Variants in PLPPR1 observed in about 807,000 individuals in gnomAD.
PLPPR1 encodes the protein phospholipid phosphatase-related protein type 1.
PLPPR1 carries 10 observed loss-of-function variants against 33.1 expected under a neutral mutation model. That is an observed-to-expected ratio of 0.30 (90% CI 0.19 to 0.51). PLPPR1 has a LOEUF of 0.51. Among genes scored for constraint, PLPPR1 ranks in the 20% least tolerant of loss-of-function variants. The pLI is 0.97. For synonymous variants in PLPPR1, 151 were observed against 151.0 expected (o/e 1.00, Z 0.00); for missense variants, 304 against 408.1 (o/e 0.74, Z 2.20).
intron 7 of PLPPR1, among the ~76,000 whole-genome samples, chr9:101,320,628 C>T (rs972702615): frequency 6.6e-6 from 1 of 152,166 alleles, no homozygotes; most frequent in Non-Finnish European, 1.5e-5. Flanking sequence ...GCTATCCATA[C>T]CAGTCGTGAA....
rs565203551 is a variant in PLPPR1 at position 101,166,331 on chromosome 9, A to G, written c.-45-19119A>G. Among the ~76,000 whole-genome samples, 27 of 152,308 alleles carry G rather than the reference A, an allele frequency of 1.8e-4. No homozygotes were observed. The South Asian group carries it at 4.8e-3, about 27-fold the overall frequency. On this transcript the variant is annotated intron_variant, in intron 1 of 7. Transcript: ENST00000374874. ...TTCCTGGCCCCCTAGCCTATGTTAAATACCGCATTATAGGCTCTGGGGAGA... is the reference window on the plus strand; with the variant it reads ...TTCCTGGCCCCCTAGCCTATGTTAAGTACCGCATTATAGGCTCTGGGGAGA...
At chr9:101,255,362 G>A (rs1827781312) in intron 2 of PLPPR1, among the ~76,000 whole-genome samples, 1 of 152,108 alleles carries the variant, frequency 6.6e-6, no homozygotes, top group Non-Finnish European at 1.5e-5. Flanking sequence ...GACACTATTG[G>A]ATTGTTCCCT....
rs548901986 is a variant in PLPPR1 at position 101,175,661 on chromosome 9, A to G, written c.-45-9789A>G. Among the ~76,000 whole-genome samples, 5 of 152,318 alleles carry G rather than the reference A, an allele frequency of 3.3e-5. No individual in the cohort carries two copies. In the East Asian group the frequency reaches 9.7e-4, roughly 29 times the overall value. ...AGCTTATTGCTTCTAGTCATGCCTA[A>G]TGGGATACCTGGCATAATTTAAGAA... On this transcript the variant is annotated intron_variant, in intron 1 of 7. Transcript: ENST00000374874.
Position 101,155,409 on chromosome 9 carries a change from T to C in PLPPR1, c.-45-30041T>C, listed in dbSNP as rs556509598. On this transcript the variant is annotated intron_variant, in intron 1 of 7. Coordinates refer to ENST00000374874, the MANE Select transcript of PLPPR1 (RefSeq NM_207299.2). ...AGAGCCTTCTTGCTGTGTCATCGCA[T>C]GAGGAAGGGCAAGCAAGCATATATA... is the stretch of plus-strand genomic sequence containing the variant. Among the ~76,000 whole-genome samples the C allele has an allele frequency of 3.3e-5, 5 of 152,262 alleles. No homozygotes were observed. The East Asian group carries it at 9.7e-4, about 29-fold the overall frequency.
At chr9:101,076,887 T>C (rs1221835289) in intron 1 of PLPPR1, among the ~76,000 whole-genome samples, 2 of 152,232 alleles carry the variant, frequency 1.3e-5, no homozygotes, top group African/African-American at 2.4e-5. Flanking sequence ...CTTCTTCCAC[T>C]ACTCACATTT....
intron 1 of PLPPR1, among the ~76,000 whole-genome samples, chr9:101,055,392 T>C (rs904023141): frequency 1.3e-5 from 2 of 152,192 alleles, no homozygotes; most frequent in African/African-American, 4.8e-5. Context: ...GAGCTTACCT[T>C]TAAGTCTCCA....
intron 1 of PLPPR1, among the ~76,000 whole-genome samples, chr9:101,083,484 C>T (rs575618141): frequency 4.6e-5 from 7 of 151,786 alleles, no homozygotes; most frequent in Non-Finnish European, 1.0e-4. Flanking sequence ...AAATCAAATG[C>T]ATTTCATAAA....
intron 2 of PLPPR1, among the ~76,000 whole-genome samples, chr9:101,202,271 A>G (rs1043810468): frequency 6.6e-6 from 1 of 152,222 alleles, no homozygotes; most frequent in Non-Finnish European, 1.5e-5. Context: ...GTCATGCTAT[A>G]GAGAATTTCA....
chr9:101,235,204 TA>T (rs2118829873), intron 2 of PLPPR1, among the ~76,000 whole-genome samples: 1 of 151,994 alleles, frequency 6.6e-6, no homozygotes, highest in African/African-American at 2.4e-5. Context: ...TTGCATATTT[TA>T]CTTTTTCCCC....
rs554226715 is a variant in PLPPR1 at position 101,029,785 on chromosome 9, G to C, written c.-46+683G>C. Among the ~76,000 whole-genome samples the C allele has an allele frequency of 1.3e-3, 205 of 152,258 alleles. 1 individual carries two copies. The highest frequency in any genetic ancestry group is 0.013 in the Admixed American group (203 of 15,306). On this transcript the variant is annotated intron_variant, in intron 1 of 7. Coordinates refer to ENST00000374874, the MANE Select transcript of PLPPR1 (RefSeq NM_207299.2). The stretch of plus-strand genomic sequence containing the variant: ...ATAATCACCTCCTAGAACGGAGGAC[G>C]CTAGGATCTCTCCTCCTCAGGGAAG...
chr9:101,129,802 G>C (rs945707668), intron 1 of PLPPR1, among the ~76,000 whole-genome samples: 1 of 152,158 alleles, frequency 6.6e-6, no homozygotes, highest in Non-Finnish European at 1.5e-5. Flanking sequence ...CTGCACTCCA[G>C]CCTAGGCGAC....
At chr9:101,236,389 G>A (rs558702838) in intron 2 of PLPPR1, among the ~76,000 whole-genome samples, 1 of 151,524 alleles carries the variant, frequency 6.6e-6, no homozygotes, top group African/African-American at 2.4e-5. Flanking sequence ...TCCTTCTCCT[G>A]GCATTCTTCT....
chr9:101,170,207 G>T (rs1825919725), intron 1 of PLPPR1, among the ~76,000 whole-genome samples: 1 of 152,028 alleles, frequency 6.6e-6, no homozygotes, highest in South Asian at 2.1e-4. Flanking sequence ...GAAAAATAAA[G>T]ATATGAAACA....
intron 2 of PLPPR1, among the ~76,000 whole-genome samples, chr9:101,197,382 A>C (rs1006805070): frequency 4.6e-5 from 7 of 152,190 alleles, no homozygotes; most frequent in African/African-American, 1.4e-4. Flanking sequence ...GCTGTGTCTT[A>C]AGGGCAAATA....
intron 1 of PLPPR1, among the ~76,000 whole-genome samples, chr9:101,078,188 G>A (rs200558450): frequency 1.7e-4 from 4 of 22,916 alleles, no homozygotes; most frequent in East Asian, 0.011. Flanking sequence ...AGAAGAAGAG[G>A]AGGGGGGGAG....
chr9:101,323,430 G>A (rs932305969), intron 7 of PLPPR1, among the ~76,000 whole-genome samples: 18 of 147,558 alleles, frequency 1.2e-4, no homozygotes, highest in Non-Finnish European at 2.4e-4. Context: ...AGCAGATCAA[G>A]GCTGTACTCC....
intron 2 of PLPPR1, among the ~76,000 whole-genome samples, chr9:101,189,055 T>G (rs961586697): frequency 6.6e-5 from 10 of 152,118 alleles, no homozygotes; most frequent in African/African-American, 2.4e-4. Context: ...CTGAAGAGAT[T>G]TATTGTGAGC....
intron 3 of PLPPR1, among the ~76,000 whole-genome samples, chr9:101,285,727 G>T (rs1385308244): frequency 6.6e-6 from 1 of 152,138 alleles, no homozygotes; most frequent in Non-Finnish European, 1.5e-5. Context: ...TGTGATGTGT[G>T]TATATAATGC....
chr9:101,057,693 C>A (rs1202316191), intron 1 of PLPPR1, among the ~76,000 whole-genome samples: 1 of 152,140 alleles, frequency 6.6e-6, no homozygotes, highest in Non-Finnish European at 1.5e-5. Context: ...CAGAGAAAGA[C>A]ACTGAGATTT....
Sources: gnomAD v4.1 joint callset for allele counts (sites outside exome capture counted in the v4.1 genomes callset) on GRCh38, gnomAD v4.1.1 for gene constraint, MANE v1.5 for transcripts, NCBI Gene and HGNC (gene_info 2026-07-23, HGNC 2026-07-21) for gene names.